The following FYN variants were observed in gnomAD, a reference collection of about 807,000 sequenced individuals.
FYN encodes tyrosine-protein kinase Fyn.
A neutral mutation model predicts 70.2 loss-of-function variants in FYN; 10 were observed. The ratio of observed to expected loss-of-function variants is 0.14; its 90% CI spans 0.09 to 0.24. The LOEUF (loss-of-function observed/expected upper bound fraction) is 0.24. Among genes scored for constraint, FYN ranks in the 10% least tolerant of loss-of-function variants. FYN has a pLI of 1.00. For missense variants in FYN, 319 were observed against 673.1 expected (o/e 0.47, Z 5.82); for synonymous variants, 236 against 248.6 (o/e 0.95, Z 0.48).
intron 12 of FYN, among the ~76,000 whole-genome samples, chr6:111,692,419 C>T (rs896586186): frequency 2.7e-5 from 4 of 149,574 alleles, no homozygotes; most frequent in African/African-American, 7.7e-5. Context: ...GCCTGGGACC[C>T]GCTCAGGGCA....
chr6:111,748,675 G>A (rs1186741310), intron 3 of FYN, among the ~76,000 whole-genome samples: 3 of 152,040 alleles, frequency 2.0e-5, no homozygotes, highest in Non-Finnish European at 2.9e-5. Context: ...TAAGTATAAA[G>A]CATATAACCA....
Position 111,761,177 on chromosome 6 carries a change from T to C in FYN, c.-12+19389A>G, listed in dbSNP as rs146429475. On this transcript the variant is annotated intron_variant, in intron 3 of 13. Transcript: ENST00000354650. Reference sequence around the variant, plus strand: ...GGACACTAGCACTTGGTGGCACTTGTTACAAGCCAGAGACTAGGCAGGGAG... The same window carrying C: ...GGACACTAGCACTTGGTGGCACTTGCTACAAGCCAGAGACTAGGCAGGGAG... 4.6e-5 allele frequency among the ~76,000 whole-genome samples: 7 copies of C among 152,344 alleles called. No individual in the cohort carries two copies. In the East Asian group the frequency reaches 1.3e-3, roughly 29 times the overall value.
chr6:111,718,306 T>C (rs1252709410), intron 4 of FYN, among the ~76,000 whole-genome samples: 1 of 152,214 alleles, frequency 6.6e-6, no homozygotes, highest in African/African-American at 2.4e-5. Flanking sequence ...AGGACATGCA[T>C]ATATATTAAA....
chr6:111,749,654 G>C (rs1413412494), intron 3 of FYN, among the ~76,000 whole-genome samples: 3 of 151,910 alleles, frequency 2.0e-5, no homozygotes, highest in Non-Finnish European at 4.4e-5. Flanking sequence ...GCATCTCCCA[G>C]GCAAATTATA....
At position 111,717,387 on chromosome 6, in the gene FYN, A is replaced by C. The variant is rs543256029; in HGVS notation, c.247+2418T>G. 5.3e-5 allele frequency among the ~76,000 whole-genome samples: 8 copies of C among 152,252 alleles called. No individual in the cohort carries two copies. The East Asian group carries it at 1.5e-3, about 29-fold the overall frequency. On this transcript the variant is annotated intron_variant, in intron 4 of 13. Transcript: ENST00000354650. ...TTGATAACTAATAGTAGTTCCCTGC[A>C]GTCTGCCTTTTCATTCTGGTCTCTC... is the stretch of plus-strand genomic sequence containing the variant.
intron 12 of FYN, among the ~76,000 whole-genome samples, chr6:111,687,605 G>T (rs902583391): frequency 2.6e-4 from 37 of 143,424 alleles, no homozygotes; most frequent in South Asian, 8.7e-4. Context: ...GGGGTGGGTG[G>T]GTGTGTGTGT....
At chr6:111,861,560 C>CCT (rs111951403) in intron 1 of FYN, among the ~76,000 whole-genome samples, 8,486 of 152,232 alleles carry the variant, frequency 0.056, 327 homozygotes, top group South Asian at 0.12. Context: ...AGGTACCTCC[C>CCT]CTCCCCCTTT....
intron 9 of FYN, among the ~76,000 whole-genome samples, chr6:111,698,770 C>A (rs1799692054): frequency 6.6e-6 from 1 of 152,126 alleles, no homozygotes; most frequent in Non-Finnish European, 1.5e-5. Flanking sequence ...CCCATGTAAT[C>A]CTAAAAATAA....
chr6:111,765,439 G>A (rs1400235168), intron 3 of FYN, among the ~76,000 whole-genome samples: 3 of 152,128 alleles, frequency 2.0e-5, no homozygotes, highest in Admixed American at 1.3e-4. Flanking sequence ...TCTGCAAGAC[G>A]AGGAGGGAGG....
intron 8 of FYN, among the ~76,000 whole-genome samples, chr6:111,701,346 G>A (rs371867349): frequency 2.6e-5 from 4 of 152,268 alleles, no homozygotes; most frequent in South Asian, 4.1e-4. Context: ...CAGACCTCCC[G>A]CTCCCTCCTG....
chr6:111,741,572 C>G (rs1485190080), intron 3 of FYN, among the ~76,000 whole-genome samples: 1 of 150,608 alleles, frequency 6.6e-6, no homozygotes, highest in Non-Finnish European at 1.5e-5. Flanking sequence ...AGTTTTTTTT[C>G]TTTTCCCTTT....
At chr6:111,854,607 T>G (rs570649527) in intron 1 of FYN, among the ~76,000 whole-genome samples, 1 of 152,246 alleles carries the variant, frequency 6.6e-6, no homozygotes, top group Non-Finnish European at 1.5e-5. Context: ...TTTTAAAGAA[T>G]TGTCTGAATG....
chr6:111,696,395 G>A lies in FYN; in HGVS notation c.924C>T (p.Pro308=), dbSNP rs769450649. The stretch of plus-strand genomic sequence containing the variant: ...TCTGCGCTTCCTCAAGGAATGATTC[G>A]GGGGACATTGTGCCTGGTTTAAGAG... ...IKTLKPGTMS[P]ESFLEEAQIM... is the part of the protein sequence containing the mutation. Residue 308 remains proline (P), a synonymous_variant, in exon 10 of 14, where the codon CCC becomes CCT. Transcript: ENST00000354650. 5 of 1,612,982 alleles carry A rather than the reference G, an allele frequency of 3.1e-6. No homozygotes were observed. Among genetic ancestry groups the A allele is most frequent in the Non-Finnish European group, 4.2e-6 (5 of 1,179,546 alleles).
At chr6:111,689,854 G>T (rs1213076345) in intron 12 of FYN, among the ~76,000 whole-genome samples, 1 of 151,996 alleles carries the variant, frequency 6.6e-6, no homozygotes, top group African/African-American at 2.4e-5. Flanking sequence ...TGGATTCAGG[G>T]GCATATATGT....
intron 3 of FYN, among the ~76,000 whole-genome samples, chr6:111,730,681 G>C (rs906102088): frequency 6.6e-6 from 1 of 152,048 alleles, no homozygotes; most frequent in Non-Finnish European, 1.5e-5. Flanking sequence ...CTAGAACCTG[G>C]GGCAATCCAA....
Position 111,772,054 on chromosome 6 carries a change from T to C in FYN, c.-12+8512A>G, listed in dbSNP as rs184211546. ...ACTCTCCCATAGAGTCTGGGTGACC[T>C]TGGGCAAGTCACTTCACTAGTCTAA... On this transcript the variant is annotated intron_variant, in intron 3 of 13. Coordinates refer to ENST00000354650, the MANE Select transcript of FYN (RefSeq NM_002037.5). Among the ~76,000 whole-genome samples the C allele has an allele frequency of 3.3e-5, 5 of 152,304 alleles. No homozygotes were observed. In the East Asian group the frequency reaches 9.6e-4, roughly 29 times the overall value.
chr6:111,722,023 T>C (rs765614957), intron 3 of FYN, among the ~76,000 whole-genome samples: 3 of 152,176 alleles, frequency 2.0e-5, no homozygotes, highest in Non-Finnish European at 4.4e-5. Context: ...CATGCTTTTC[T>C]ATACTATCTT....
chr6:111,717,937 G>A (rs1447733189), intron 4 of FYN, among the ~76,000 whole-genome samples: 4 of 152,184 alleles, frequency 2.6e-5, no homozygotes, highest in Non-Finnish European at 4.4e-5. Flanking sequence ...ACCATGCAAA[G>A]CTAGGCTCAT....
chr6:111,717,084 G>A (rs1313324856), intron 4 of FYN, among the ~76,000 whole-genome samples: 3 of 151,920 alleles, frequency 2.0e-5, no homozygotes, highest in African/African-American at 4.8e-5. Context: ...GCGCCTGGCC[G>A]AGATTTAATT....
Sources: gnomAD v4.1 joint callset for allele counts (sites outside exome capture counted in the v4.1 genomes callset) on GRCh38, gnomAD v4.1.1 for gene constraint, MANE v1.5 for transcripts, NCBI Gene and HGNC (gene_info 2026-07-23, HGNC 2026-07-21) for gene names.